Variants in GALNT15 observed in about 807,000 individuals in gnomAD.
The protein encoded by GALNT15 is polypeptide N-acetylgalactosaminyltransferase 15.
In GALNT15, 67 loss-of-function variants were observed where a neutral mutation model predicts 66.8. The observed-to-expected ratio is 1.00, with a 90% CI of 0.82 to 1.23. GALNT15 has a LOEUF of 1.23. GALNT15 is among the 50% of genes most tolerant of loss of function. The pLI is 0.00. For missense variants in GALNT15, 827 were observed against 804.3 expected (o/e 1.03, Z -0.34); for synonymous variants, 313 against 311.5 (o/e 1.00, Z -0.05).
At position 16,209,457 on chromosome 3, in the gene GALNT15, C is replaced by A. The variant is rs561052316; in HGVS notation, c.1079+787C>A. 2.0e-5 allele frequency among the ~76,000 whole-genome samples: 3 copies of A among 152,268 alleles called. No homozygotes were observed. Among genetic ancestry groups the A allele is most frequent in the South Asian group, 2.1e-4 (1 of 4,818 alleles). On this transcript the variant is annotated intron_variant, in intron 4 of 9. Coordinates refer to ENST00000339732, the MANE Select transcript of GALNT15 (RefSeq NM_054110.5). This position sits in a 1 kb window ranked among gnomAD's most constrained non-coding sequence, Gnocchi z 4.1. ...GCTATGCTATATTTTAAATACAAGG[C>A]CACAGTTCATTATTCACAATTGCAA... is the stretch of plus-strand genomic sequence containing the variant.
At position 16,228,605 on chromosome 3, in the gene GALNT15, C is replaced by T; in HGVS notation, c.*1105C>T. 1 of 954,972 alleles carries T rather than the reference C, an allele frequency of 1.0e-6. No individual in the cohort carries two copies. The highest frequency in any genetic ancestry group is 1.2e-6 in the Non-Finnish European group (1 of 804,734). The allele number at this position is 954,972 out of a possible 1,614,324, so 59.2% of individuals were successfully genotyped here. On this transcript the variant is annotated 3_prime_UTR_variant, in exon 10 of 10. Transcript: ENST00000339732. ...GCAGTGAGCTGAGATCATGCCATTG[C>T]ACTCCAACCTGGGTGACAGAGTGAG...
At position 16,219,204 on chromosome 3, in the gene GALNT15, G is replaced by T. The variant is rs1416975923; in HGVS notation, c.1393-199G>T. Among the ~76,000 whole-genome samples the T allele has an allele frequency of 6.6e-6, 1 of 152,132 alleles. No homozygotes were observed. The highest frequency in any genetic ancestry group is 2.4e-5 in the African/African-American group (1 of 41,420). On this transcript the variant is annotated intron_variant, in intron 6 of 9. Coordinates refer to ENST00000339732, the MANE Select transcript of GALNT15 (RefSeq NM_054110.5). The surrounding 1 kb of genome is among the most constrained non-coding windows in gnomAD (Gnocchi z 4.3). Reference sequence around the variant, plus strand: ...TGGTTCCACAACTCTCTGTAGGGAAGATCTGTGCTATTCTATCCCTTCCAG... The same window carrying T: ...TGGTTCCACAACTCTCTGTAGGGAATATCTGTGCTATTCTATCCCTTCCAG...
chr3:16,219,432 G>T lies in GALNT15; in HGVS notation c.1422G>T (p.Leu474Phe), dbSNP rs1483762914. The T allele has an allele frequency of 6.2e-7, 1 of 1,614,212 alleles. No homozygotes were observed. Among genetic ancestry groups the T allele is most frequent in the East Asian group, 2.2e-5 (1 of 44,882 alleles). The change falls in exon 7 of 10, where the codon TTG (leucine) becomes TTT (phenylalanine). Residue 474 changes from leucine to phenylalanine, a missense_variant. Leu to Phe is a conservative substitution (Grantham distance 22). Coordinates refer to ENST00000339732, the MANE Select transcript of GALNT15 (RefSeq NM_054110.5). The surrounding 1 kb of genome is among the most constrained non-coding windows in gnomAD (Gnocchi z 4.3). Reference protein sequence around the residue: ...KAEKPDCMERLQLQRRLGCRT... With the variant: ...KAEKPDCMERFQLQRRLGCRT... ...AGAAGCCAGACTGCATGGAACGCTT[G>T]CAGCTGCAAAGGAGACTGGGTTGTC...
At chr3:16,205,234 G>A (rs2063744848) in intron 3 of GALNT15, among the ~76,000 whole-genome samples, 1 of 152,156 alleles carries the variant, frequency 6.6e-6, no homozygotes, top group Admixed American at 6.5e-5. Flanking sequence ...CCAAGAATAC[G>A]CATGAACTTT....
At chr3:16,234,675 C>G (rs1471276953), downstream of GALNT15, among the ~76,000 whole-genome samples, 1 of 152,222 alleles carries the variant, frequency 6.6e-6, no homozygotes, top group Non-Finnish European at 1.5e-5. Flanking sequence ...TCTATGTCTC[C>G]TAATGGGGAA....
chr3:16,241,845 G>A, the GALNT15 span, among the ~76,000 whole-genome samples: 7 of 152,278 alleles, frequency 4.6e-5, no homozygotes, highest in African/African-American at 1.2e-4. This position sits in a 1 kb window ranked among gnomAD's most constrained non-coding sequence, Gnocchi z 4.6. Flanking sequence ...ACCACACCCG[G>A]CCAAAACAGC....
intron 2 of GALNT15, among the ~76,000 whole-genome samples, chr3:16,199,717 C>A (rs1009865170): frequency 6.6e-6 from 1 of 152,134 alleles, no homozygotes; most frequent in Non-Finnish European, 1.5e-5. Context: ...GCACAGGCTG[C>A]ACTGCGGGGT....
At chr3:16,206,438 G>A (rs1196429787) in intron 3 of GALNT15, among the ~76,000 whole-genome samples, 1 of 151,644 alleles carries the variant, frequency 6.6e-6, no homozygotes, top group Admixed American at 6.6e-5. Context: ...ACTTTGGGAG[G>A]CTGAGGTTGG....
In GALNT15 at chr3:16,208,747, T is replaced by A; in HGVS notation, c.1079+77T>A. On this transcript the variant is annotated intron_variant, in intron 4 of 9. Transcript: ENST00000339732. ...TGCAGCCTGCCTGCCTGGGGTCTAA[T>A]CCTACCTCCACAGTTTCCTAGTAAA... 2.3e-6 allele frequency: 3 copies of A among 1,328,296 alleles called. No homozygotes were observed. In the South Asian group the frequency reaches 3.9e-5, roughly 17 times the overall value. The allele number at this position is 1,328,296 out of a possible 1,614,324, so 82.3% of individuals were successfully genotyped here.
intron 3 of GALNT15, among the ~76,000 whole-genome samples, chr3:16,201,345 C>T (rs1021428443): frequency 2.0e-5 from 3 of 152,004 alleles, no homozygotes; most frequent in Admixed American, 2.0e-4. Flanking sequence ...CCACACCCGG[C>T]TAATTTTTTG....
At position 16,228,167 on chromosome 3, in the gene GALNT15, C is replaced by CA; in HGVS notation, c.*668dup. 1 of 985,962 alleles carries CA rather than the reference C, an allele frequency of 1.0e-6. No homozygotes were observed. The highest frequency in any genetic ancestry group is 1.2e-6 in the Non-Finnish European group (1 of 830,032). The allele number at this position is 985,962 out of a possible 1,614,324, so 61.1% of individuals were successfully genotyped here. A position where few individuals can be genotyped will look rare whatever the true frequency, so the allele number is the denominator to read the frequency against. On this transcript the variant is annotated 3_prime_UTR_variant, in exon 10 of 10. Transcript: ENST00000339732. Reference sequence around the variant, plus strand: ...TTTTCATGTTAATGAGAATTTCCACCATTGTAGAGAATTTCCTTCCTACTG... The same window carrying CA: ...TTTTCATGTTAATGAGAATTTCCACCAATTGTAGAGAATTTCCTTCCTACTG...
chr3:16,210,753 G>A (rs1298532298), intron 4 of GALNT15, among the ~76,000 whole-genome samples: 1 of 152,180 alleles, frequency 6.6e-6, no homozygotes, highest in Admixed American at 6.5e-5. Flanking sequence ...ATGTCGCCGT[G>A]TCAGGCCTGG....
intron 6 of GALNT15, among the ~76,000 whole-genome samples, chr3:16,213,009 C>T (rs936237211): frequency 3.9e-5 from 6 of 152,102 alleles, no homozygotes; most frequent in South Asian, 4.1e-4. Context: ...GGGATGACAT[C>T]TATGGGATGG....
In GALNT15 at chr3:16,200,025, A is replaced by C. The variant is rs1375115323; in HGVS notation, c.707-594A>C. ...TTTATAAAGAAAGGAGGTTTAATTG[A>C]CTCACAGTTTCGCATGGCTGGGGAG... is the stretch of plus-strand genomic sequence containing the variant. On this transcript the variant is annotated intron_variant, in intron 2 of 9. Coordinates refer to ENST00000339732, the MANE Select transcript of GALNT15 (RefSeq NM_054110.5). This position sits in a 1 kb window ranked among gnomAD's most constrained non-coding sequence, Gnocchi z 4.4. Among the ~76,000 whole-genome samples, 2 of 152,100 alleles carry C rather than the reference A, an allele frequency of 1.3e-5. No individual in the cohort carries two copies. Among genetic ancestry groups the C allele is most frequent in the Non-Finnish European group, 2.9e-5 (2 of 68,022 alleles).
the GALNT15 span, among the ~76,000 whole-genome samples, chr3:16,241,368 C>T: frequency 6.6e-6 from 1 of 152,098 alleles, no homozygotes; most frequent in Non-Finnish European, 1.5e-5. This position sits in a 1 kb window ranked among gnomAD's most constrained non-coding sequence, Gnocchi z 4.6. Flanking sequence ...AAAATTTAGA[C>T]ACTGAAGAGG....
rs1302284135 is a variant in GALNT15 at position 16,219,161 on chromosome 3, T to C, written c.1393-242T>C. 6.6e-6 allele frequency among the ~76,000 whole-genome samples: 1 copy of C among 152,160 alleles called. No individual in the cohort carries two copies. The highest frequency in any genetic ancestry group is 6.5e-5 in the Admixed American group (1 of 15,268). On this transcript the variant is annotated intron_variant, in intron 6 of 9. Coordinates refer to ENST00000339732, the MANE Select transcript of GALNT15 (RefSeq NM_054110.5). The surrounding 1 kb of genome is among the most constrained non-coding windows in gnomAD (Gnocchi z 4.3). Reference sequence around the variant, plus strand: ...TTGAGGGATTGTGGGAAGGGGCTGATATCACTTACAGTCTTGCTGGTTCCA... The same window carrying C: ...TTGAGGGATTGTGGGAAGGGGCTGACATCACTTACAGTCTTGCTGGTTCCA...
At position 16,204,396 on chromosome 3, in the gene GALNT15, T is replaced by C. The variant is rs529490101; in HGVS notation, c.911+3573T>C. Among the ~76,000 whole-genome samples, 1 of 152,178 alleles carries C rather than the reference T, an allele frequency of 6.6e-6. No homozygotes were observed. The highest frequency in any genetic ancestry group is 1.5e-5 in the Non-Finnish European group (1 of 68,026). On this transcript the variant is annotated intron_variant, in intron 3 of 9. Transcript: ENST00000339732. The surrounding 1 kb of genome is among the most constrained non-coding windows in gnomAD (Gnocchi z 4.5). ...TACAGTAATGATAATATTAGAGATG[T>C]TCTCTTGGGTTGCACAGTGCGCAAC...
downstream of GALNT15, among the ~76,000 whole-genome samples, chr3:16,233,591 C>A (rs975615098): frequency 6.6e-6 from 1 of 152,028 alleles, no homozygotes. Flanking sequence ...TATCTTTCCC[C>A]AACTTTCCTC....
At chr3:16,233,094 C>CTTTTTGTTTTTTTTTTTTTTTTT (rs2064099761), downstream of GALNT15, among the ~76,000 whole-genome samples, 1 of 61,208 alleles carries the variant, frequency 1.6e-5, no homozygotes, top group Non-Finnish European at 3.0e-5. Context: ...GATAATGCAT[C>CTTTTTGTTTTTTTTTTTTTTTTT]TTTTTTTTTT....
Sources: gnomAD v4.1 joint callset for allele counts (sites outside exome capture counted in the v4.1 genomes callset) on GRCh38, gnomAD v4.1.1 for gene constraint, Gnocchi (gnomAD v3.1) non-coding constraint, MANE v1.5 for transcripts, NCBI Gene and HGNC (gene_info 2026-07-23, HGNC 2026-07-21) for gene names.